The following DNAH17 variants were observed in gnomAD, a reference collection of about 807,000 sequenced individuals.
The protein encoded by DNAH17 is dynein axonemal heavy chain 17.
In DNAH17, 376 loss-of-function variants were observed where a neutral mutation model predicts 485.6. The ratio of observed to expected loss-of-function variants is 0.77; its 90% confidence interval spans 0.71 to 0.84. DNAH17 has a LOEUF of 0.84. DNAH17 is among the 40% of genes least tolerant of loss of function. The pLI, the probability that DNAH17 is intolerant of heterozygous loss-of-function variation, is 0.00. For synonymous variants in DNAH17, 3,031 were observed against 2,405.9 expected, an observed-to-expected ratio of 1.26 and a Z score of -7.60; for missense variants, 6,370 against 5,839.3, an observed-to-expected ratio of 1.09 and a Z score of -2.96.
chr17:78,480,659 G>C, intron 49 of DNAH17, 25 bp downstream of exon 49: 1 of 1,590,976 alleles, frequency 6.3e-7, no homozygotes, highest in Non-Finnish European at 8.6e-7. Context: ...GGCAGGTGAC[G>C]GGGATGAGTA....
chr17:78,516,443 T>C lies in DNAH17; in HGVS notation c.3865-1421A>G, dbSNP rs534901098. On this transcript the variant is annotated intron_variant, in intron 25 of 80. Transcript: ENST00000389840. The stretch of plus-strand genomic sequence containing the variant: ...GGCTCACGCCTGCAATCCCAGCACT[T>C]TGGGAGGCCGAGGCGGGTGGATCAC... 2.0e-3 allele frequency among the ~76,000 whole-genome samples: 300 copies of C among 152,258 alleles called. 1 individual carries two copies. The Middle Eastern group carries it at 0.031, about 16-fold the overall frequency.
At position 78,560,757 on chromosome 17, in the gene DNAH17, C is replaced by T. The variant is rs530302226; in HGVS notation, c.2014G>A (p.Val672Ile). ...LRDAASNLIH[V>I]NFSKALVAVL... Reference sequence around the variant, plus strand: ...GCACCCACCGCTTTGCTGAAGTTGACGTGGATGAGGTTGCTAGCGGCGTCC... The same window carrying T: ...GCACCCACCGCTTTGCTGAAGTTGATGTGGATGAGGTTGCTAGCGGCGTCC... Residue 672 changes from valine (V) to isoleucine (I), a missense_variant, in exon 13 of 81, where the codon GTC becomes ATC. Transcript: ENST00000389840. 2.6e-4 allele frequency: 401 copies of T among 1,551,194 alleles called. 1 individual carries two copies. The East Asian group carries it at 9.5e-3, about 37-fold the overall frequency.
chr17:78,434,075 G>T lies in DNAH17; in HGVS notation c.12179C>A (p.Thr4060Asn), dbSNP rs746524761. 4 of 1,613,292 alleles carry T rather than the reference G, an allele frequency of 2.5e-6. No individual in the cohort carries two copies. In the South Asian group the frequency reaches 3.3e-5, roughly 13 times the overall value. ...RSYPFNNGDL[T>N]ISINVLYNYL... ...GTTGTAGAGCACGTTGATGGAGATG[G>T]TGAGGTCCCCGTTGTTGAAGGGGTA... The change falls in exon 75 of 81, where the codon ACC (threonine) becomes AAC (asparagine). Residue 4060 changes from threonine (T) to asparagine (N), a missense_variant. Transcript: ENST00000389840.
chr17:78,548,042 C>T (rs2091812061), intron 16 of DNAH17, among the ~76,000 whole-genome samples: 1 of 152,120 alleles, frequency 6.6e-6, no homozygotes, highest in Non-Finnish European at 1.5e-5. Flanking sequence ...TTAATATATC[C>T]ACTGTTACAC....
chr17:78,453,594 A>C, intron 64 of DNAH17, 129 bp from the exon 65 acceptor site: 1 of 1,231,852 alleles, frequency 8.1e-7, no homozygotes. Context: ...AGGAGCCCAC[A>C]ACTTGTTCCC....
At chr17:78,464,100 C>T (rs966932597) in intron 56 of DNAH17, among the ~76,000 whole-genome samples, 2 of 152,118 alleles carry the variant, frequency 1.3e-5, no homozygotes, top group African/African-American at 2.4e-5. Flanking sequence ...TACTTAATAA[C>T]TGGATATGTG....
intron 26 of DNAH17, among the ~76,000 whole-genome samples, chr17:78,513,403 G>A (rs770034983): frequency 6.6e-6 from 1 of 152,160 alleles, no homozygotes; most frequent in Admixed American, 6.5e-5. Context: ...GGGGAAATCT[G>A]CATTCTGTAG....
At chr17:78,455,235 G>T (rs1446228454) in intron 63 of DNAH17, among the ~76,000 whole-genome samples, 1 of 151,572 alleles carries the variant, frequency 6.6e-6, no homozygotes, top group Non-Finnish European at 1.5e-5. Context: ...CATCCCCAAA[G>T]GGGCCTGAGC....
At chr17:78,485,273 C>T in intron 47 of DNAH17, 1 of 631,476 alleles carries the variant, frequency 1.6e-6, no homozygotes, top group East Asian at 2.8e-5. Context: ...ACCTTTGGGT[C>T]GCCTTAGATT....
rs35081093 is a variant in DNAH17, at chr17:78,427,044, A to G, written c.12653T>C (p.Met4218Thr). The stretch of plus-strand genomic sequence containing the variant: ...GGGGGTCTTTTCCGCTGCCTTTGCC[A>G]TGATCTCAGCCATGTTGAAAGTCTC... ...IPETFNMAEI[M>T]AKAAEKTPYV... The change falls in exon 78 of 81, where the codon ATG (methionine) becomes ACG (threonine). Residue 4218 changes from methionine (M) to threonine (T), a missense_variant. Met to Thr is a moderately conservative substitution (Grantham distance 81, BLOSUM62 -1). Coordinates refer to ENST00000389840, the MANE Select transcript of DNAH17 (RefSeq NM_173628.4). The G allele has an allele frequency of 1.0e-3, 1,619 of 1,602,514 alleles. 18 individuals carry two copies. In the African/African-American group the frequency reaches 0.019, roughly 18 times the overall value.
chr17:78,453,444 C>T lies in DNAH17; in HGVS notation c.10428G>A (p.Gln3476=), dbSNP rs1568072215. 19 of 1,613,952 alleles carry T rather than the reference C, an allele frequency of 1.2e-5. No homozygotes were observed. Among genetic ancestry groups the T allele is most frequent in the Non-Finnish European group, 1.6e-5 (19 of 1,179,842 alleles). ...GQKSYLDVIE[Q]AISEGDTLLI... ...GCAAGGTGTCCCCTTCCGAGATGGC[C>T]TGCTCGATGACATCCAGGTAGCTGC... is the stretch of plus-strand genomic sequence containing the variant. Residue 3476 remains glutamine (Q), a synonymous_variant, in exon 65 of 81, where the codon CAG becomes CAA. Transcript: ENST00000389840.
chr17:78,506,492 A>C (rs1215957295), intron 30 of DNAH17, among the ~76,000 whole-genome samples: 2 of 152,056 alleles, frequency 1.3e-5, no homozygotes, highest in Admixed American at 1.3e-4. Flanking sequence ...AGGCAAATTA[A>C]CTTCTCAAAA....
At chr17:78,478,984 G>C (rs778630015) in intron 51 of DNAH17, 41 bp downstream of exon 51, 1 of 1,568,922 alleles carries the variant, frequency 6.4e-7, no homozygotes, top group African/African-American at 1.3e-5. Context: ...TCAGGCACTG[G>C]ACCGTAAGGC....
rs574883176 is a variant in DNAH17 at position 78,475,440 on chromosome 17, G to A, written c.8349C>T (p.Ile2783=). 3.7e-5 allele frequency: 59 copies of A among 1,613,940 alleles called. No homozygotes were observed. The South Asian group carries it at 5.5e-4, about 15-fold the overall frequency. Reference sequence around the variant, plus strand: ...ACTCCAGGATGCGATTAATCCTGCAGATGTGAGCCACGGCGTCCTCAAACA... The same window carrying A: ...ACTCCAGGATGCGATTAATCCTGCAAATGTGAGCCACGGCGTCCTCAAACA... ...LVLFEDAVAH[I]CRINRILESP... Residue 2783 remains isoleucine, a synonymous_variant, in exon 54 of 81, where the codon ATC becomes ATT. Transcript: ENST00000389840.
intron 19 of DNAH17, among the ~76,000 whole-genome samples, chr17:78,535,302 A>C (rs940149439): frequency 3.3e-5 from 5 of 152,156 alleles, no homozygotes; most frequent in African/African-American, 1.2e-4. Flanking sequence ...TCAACTCTGG[A>C]ACAGCTTGCT....
chr17:78,472,075 C>T (rs1352889105), intron 54 of DNAH17, among the ~76,000 whole-genome samples: 1 of 152,198 alleles, frequency 6.6e-6, no homozygotes, highest in Non-Finnish European at 1.5e-5. Context: ...TGTATCTAGG[C>T]CCGTCTAGGG....
rs1174102032 is a variant in DNAH17, at chr17:78,495,982, G to A, written c.5796C>T (p.Phe1932=). The part of the protein sequence containing the change: ...AIRAKKKAFN[F]LGEIIGLIPT... ...GAATGAGGCCTATGATCTCTCCCAG[G>A]AAATTGAATGCTTTTTTCTTGGCCC... The change falls in exon 38 of 81, where the codon TTC becomes TTT. Residue 1932 remains phenylalanine (F), a synonymous_variant. Transcript: ENST00000389840. The A allele has an allele frequency of 3.7e-6, 6 of 1,613,902 alleles. No homozygotes were observed. Among genetic ancestry groups the A allele is most frequent in the Non-Finnish European group, 5.1e-6 (6 of 1,179,838 alleles).
At chr17:78,507,252 C>T in intron 29 of DNAH17, 26 bp downstream of exon 29, 1 of 1,612,758 alleles carries the variant, frequency 6.2e-7, no homozygotes, top group Non-Finnish European at 8.5e-7. Flanking sequence ...ACTGACTCCC[C>T]TGGTCTGGAT....
At chr17:78,500,017 C>G (rs993562005) in intron 36 of DNAH17, 1 of 367,678 alleles carries the variant, frequency 2.7e-6, no homozygotes, top group African/African-American at 2.1e-5. Context: ...TGTGCGGAGT[C>G]CCCAGTTCGG....
Sources: gnomAD v4.1 joint callset for allele counts (sites outside exome capture counted in the v4.1 genomes callset) on GRCh38, gnomAD v4.1.1 for gene constraint, MANE v1.5 for transcripts, NCBI Gene and HGNC (gene_info 2026-07-23, HGNC 2026-07-21) for gene names.